Variants in INO80D observed in about 807,000 individuals in gnomAD.
INO80D encodes INO80 complex subunit D.
A neutral mutation model predicts 87.6 loss-of-function variants in INO80D; 21 were observed. That is an observed-to-expected ratio of 0.24 (90% CI 0.17 to 0.35). INO80D has a LOEUF of 0.35. INO80D is among the 10% of genes least tolerant of loss of function. INO80D has a pLI of 1.00. For synonymous variants in INO80D, 440 were observed against 491.0 expected (o/e 0.90, Z 1.37); for missense variants, 982 against 1,280.7 (o/e 0.77, Z 3.56).
chr2:206,025,542 A>AATATATATATATATATATATATAT (rs1553616186), intron 6 of INO80D: 2 of 76,946 alleles, frequency 2.6e-5, no homozygotes, highest in African/African-American at 4.4e-5. Context: ...AAAAAAAAAA[A>AATATATATATATATATATATATAT]ATATATATAT....
intron 1 of INO80D, among the ~76,000 whole-genome samples, chr2:206,070,991 CTT>C (rs1035172222): frequency 1.4e-5 from 2 of 147,808 alleles, no homozygotes; most frequent in Non-Finnish European, 3.0e-5. Context: ...CTTTTTCACT[CTT>C]GTTGCCCAGG....
intron 4 of INO80D, among the ~76,000 whole-genome samples, chr2:206,050,076 T>C (rs1276583959): frequency 1.3e-5 from 2 of 151,798 alleles, no homozygotes; most frequent in Non-Finnish European, 2.9e-5. Flanking sequence ...GAGGTTGCAA[T>C]GAGCTGAGAT....
chr2:206,078,677 T>C (rs1690190167), intron 1 of INO80D, among the ~76,000 whole-genome samples: 1 of 152,112 alleles, frequency 6.6e-6, no homozygotes, highest in Admixed American at 6.5e-5. Context: ...CCAGGCGCGG[T>C]GGCTCACGCC....
intron 1 of INO80D, among the ~76,000 whole-genome samples, chr2:206,076,422 A>G (rs1007708304): frequency 2.0e-5 from 3 of 152,240 alleles, no homozygotes. Context: ...ATAAGACACT[A>G]AACAGATGAC....
intron 4 of INO80D, among the ~76,000 whole-genome samples, chr2:206,050,255 A>T (rs1372249777): frequency 6.6e-6 from 1 of 151,028 alleles, no homozygotes; most frequent in Non-Finnish European, 1.5e-5. Flanking sequence ...CACTTTGGGA[A>T]GCCGAGGCGG....
intron 6 of INO80D, chr2:206,025,558 T>C (rs1431110387): frequency 8.0e-6 from 1 of 125,238 alleles, no homozygotes; most frequent in African/African-American, 2.7e-5. Flanking sequence ...TATATATATA[T>C]ATATATATAT....
intron 5 of INO80D, among the ~76,000 whole-genome samples, chr2:206,041,089 A>G (rs1265355984): frequency 6.6e-6 from 1 of 152,208 alleles, no homozygotes; most frequent in Non-Finnish European, 1.5e-5. Flanking sequence ...TACAAAAACA[A>G]AGCATATGAG....
chr2:206,073,477 T>C (rs1323078411), intron 1 of INO80D, among the ~76,000 whole-genome samples: 1 of 152,174 alleles, frequency 6.6e-6, no homozygotes, highest in East Asian at 1.9e-4. Flanking sequence ...TAGACCCTGA[T>C]ATATAAATAC....
In INO80D at chr2:206,004,788, A is replaced by G; in HGVS notation, c.2664T>C (p.Thr888=). The change falls in exon 11 of 11, where the codon ACT becomes ACC. Residue 888 remains threonine (T), a synonymous_variant. Coordinates refer to ENST00000403263, the MANE Select transcript of INO80D (RefSeq NM_017759.5). The surrounding 1 kb of genome is among the most constrained non-coding windows in gnomAD (Gnocchi z 4.9). ...VPLGGVVNPR[T]HWGNLPVNLG... is the part of the protein sequence containing the mutation. ...GGTTGACAGGGAGATTGCCCCAGTG[A>G]GTTCTGGGGTTTACCACGCCTCCAA... The G allele has an allele frequency of 6.2e-7, 1 of 1,613,888 alleles. No individual in the cohort carries two copies. Among genetic ancestry groups the G allele is most frequent in the South Asian group, 1.1e-5 (1 of 91,080 alleles).
chr2:206,046,705 T>A (rs1689205104), intron 4 of INO80D, 93 bp from the exon 5 acceptor site: 1 of 741,110 alleles, frequency 1.3e-6, no homozygotes, highest in Non-Finnish European at 2.4e-6. Context: ...TAACCCAACA[T>A]ACCTATTGCA....
At chr2:206,031,067 C>T (rs151184583) in intron 5 of INO80D, among the ~76,000 whole-genome samples, 2 of 152,090 alleles carry the variant, frequency 1.3e-5, no homozygotes, top group Non-Finnish European at 2.9e-5. Flanking sequence ...AGGACAGTAA[C>T]ATCATGTATA....
chr2:206,055,496 C>T (rs1484910255), intron 4 of INO80D, among the ~76,000 whole-genome samples: 41 of 152,202 alleles, frequency 2.7e-4, no homozygotes, highest in Non-Finnish European at 4.4e-5. Context: ...CAGATATCAA[C>T]AATGCTATGA....
intron 4 of INO80D, among the ~76,000 whole-genome samples, chr2:206,053,743 CTTTG>C (rs1275716715): frequency 1.4e-4 from 21 of 152,170 alleles, no homozygotes; most frequent in South Asian, 8.3e-4. Flanking sequence ...TGTTTATTTA[CTTTG>C]TTTATTTTTA....
intron 1 of INO80D, among the ~76,000 whole-genome samples, chr2:206,080,280 C>G (rs944348835): frequency 6.6e-6 from 1 of 152,144 alleles, no homozygotes; most frequent in Non-Finnish European, 1.5e-5. Flanking sequence ...CTGCTCAGTG[C>G]CTTCAAAACC....
At position 206,009,794 on chromosome 2, in the gene INO80D, C is replaced by A; in HGVS notation, c.1543G>T (p.Asp515Tyr). ...GAGTTATCTCCTCTCAAGAAATTATCCTTTGGAATGAATAAATAGGCTTTT... is the reference window on the plus strand; with the variant it reads ...GAGTTATCTCCTCTCAAGAAATTATACTTTGGAATGAATAAATAGGCTTTT... ...PLCEEHAKKM[D>Y]NFLRGDNSRK... The change falls in exon 9 of 11, where the codon GAT (aspartate) becomes TAT (tyrosine). Residue 515 changes from aspartate to tyrosine, a missense_variant and splice_region_variant. Coordinates refer to ENST00000403263, the MANE Select transcript of INO80D (RefSeq NM_017759.5). The A allele has an allele frequency of 6.2e-7, 1 of 1,604,692 alleles. No individual in the cohort carries two copies. Among genetic ancestry groups the A allele is most frequent in the Non-Finnish European group, 8.5e-7 (1 of 1,175,342 alleles).
intron 5 of INO80D, among the ~76,000 whole-genome samples, chr2:206,041,615 T>C (rs778315321): frequency 2.0e-5 from 3 of 152,200 alleles, no homozygotes; most frequent in Non-Finnish European, 2.9e-5. Context: ...TATTTCAAGA[T>C]CCTTTTCTCA....
At position 205,999,528 on chromosome 2, in the gene INO80D, C is replaced by T. The variant is rs1687868304; in HGVS notation, c.*4840G>A. On this transcript the variant is annotated 3_prime_UTR_variant, in exon 11 of 11. Coordinates refer to ENST00000403263, the MANE Select transcript of INO80D (RefSeq NM_017759.5). ...GAAACGTCACATTTCCTCTTATTAG[C>T]TCTGTATCACAGTGCAGAGAAAAAC... 6.6e-6 allele frequency: 1 copy of T among 151,920 alleles called. No individual in the cohort carries two copies. Among genetic ancestry groups the T allele is most frequent in the Non-Finnish European group, 1.5e-5 (1 of 67,992 alleles). 9.4% of individuals were successfully genotyped at this position (151,920 alleles called of 1,614,324 possible). A position where few individuals can be genotyped will look rare whatever the true frequency, so the allele number is the denominator to read the frequency against.
rs1156566440 is a variant in INO80D, at chr2:206,085,780, G to C, written c.-124+121C>G. 3.3e-5 allele frequency: 5 copies of C among 151,470 alleles called. No homozygotes were observed. The allele number at this position is 151,470 out of a possible 1,614,324, so 9.4% of individuals were successfully genotyped here. A position where few individuals can be genotyped will look rare whatever the true frequency, so the allele number is the denominator to read the frequency against. ...TCATTCTCCGCCCGGGGCCTGGCGTGGGCCGGCGAATCCCCGGCCTCACGT... is the reference window on the plus strand; with the variant it reads ...TCATTCTCCGCCCGGGGCCTGGCGTCGGCCGGCGAATCCCCGGCCTCACGT... On this transcript the variant is annotated intron_variant, in intron 1 of 10. Transcript: ENST00000403263. The surrounding 1 kb of genome is among the most constrained non-coding windows in gnomAD (Gnocchi z 4.5).
At chr2:206,010,791 A>T (rs1158237533) in intron 8 of INO80D, among the ~76,000 whole-genome samples, 2 of 152,120 alleles carry the variant, frequency 1.3e-5, no homozygotes, top group Admixed American at 1.3e-4. Context: ...AAAAGAGGCT[A>T]CCTCTGGCCA....
Sources: gnomAD v4.1 joint callset for allele counts (sites outside exome capture counted in the v4.1 genomes callset) on GRCh38, gnomAD v4.1.1 for gene constraint, Gnocchi (gnomAD v3.1) non-coding constraint, MANE v1.5 for transcripts, NCBI Gene and HGNC (gene_info 2026-07-23, HGNC 2026-07-21) for gene names.